Variants in KALRN observed in about 807,000 individuals in gnomAD.
KALRN encodes kalirin.
Under a neutral mutation model 353.7 loss-of-function variants are expected in KALRN, and 70 were observed. The ratio of observed to expected loss-of-function variants is 0.20; its 90% CI spans 0.16 to 0.24. KALRN has a LOEUF of 0.24. KALRN is among the 10% of genes least tolerant of loss of function. KALRN has a pLI of 1.00. For synonymous variants in KALRN, 1,391 were observed against 1,434.8 expected (o/e 0.97, Z 0.69); for missense variants, 2,791 against 3,756.7 (o/e 0.74, Z 6.72).
chr3:124,491,616 G>T, intron 31 of KALRN, 192 bp downstream of exon 31: 1 of 443,040 alleles, frequency 2.3e-6, no homozygotes, highest in South Asian at 4.8e-5. Flanking sequence ...AAAGACGCAT[G>T]GTCTCCTCAA....
intron 1 of KALRN, among the ~76,000 whole-genome samples, chr3:124,045,270 C>T (rs1271781318): frequency 1.3e-5 from 2 of 152,058 alleles, no homozygotes; most frequent in Non-Finnish European, 2.9e-5. Flanking sequence ...AGAGGAGTGG[C>T]TCTAGGAACA....
At chr3:124,571,887 C>T (rs1442259721) in intron 34 of KALRN, among the ~76,000 whole-genome samples, 2 of 151,692 alleles carry the variant, frequency 1.3e-5, no homozygotes, top group African/African-American at 2.4e-5. Flanking sequence ...CTTGGCCTAC[C>T]AAAGTGCTGG....
At chr3:124,094,345 G>A (rs1023323355) in intron 1 of KALRN, among the ~76,000 whole-genome samples, 1 of 152,228 alleles carries the variant, frequency 6.6e-6, no homozygotes, top group Non-Finnish European at 1.5e-5. Context: ...AGGCAGTAAC[G>A]CTCCCAGGCT....
chr3:124,471,346 G>A (rs189217527), intron 25 of KALRN, among the ~76,000 whole-genome samples: 20 of 151,104 alleles, frequency 1.3e-4, no homozygotes, highest in Admixed American at 2.6e-4. Context: ...GTGCAATGGC[G>A]CGATCTCAGC....
intron 2 of KALRN, among the ~76,000 whole-genome samples, chr3:124,230,576 TG>T: frequency 6.6e-6 from 1 of 152,238 alleles, no homozygotes; most frequent in Admixed American, 6.5e-5. Flanking sequence ...AGAAGCAACG[TG>T]GCCAGGAAGG....
chr3:124,553,469 C>G (rs534812967), intron 33 of KALRN, among the ~76,000 whole-genome samples: 3 of 152,240 alleles, frequency 2.0e-5, no homozygotes, highest in Non-Finnish European at 4.4e-5. Context: ...GGCCTGGTTT[C>G]CTCTGAAGCT....
At chr3:124,684,842 G>A (rs2061488648) in intron 51 of KALRN, among the ~76,000 whole-genome samples, 1 of 152,100 alleles carries the variant, frequency 6.6e-6, no homozygotes. Context: ...GGAAGTTTGA[G>A]CGGCCAGAGC....
At chr3:124,292,101 G>A (rs985705227) in intron 5 of KALRN, among the ~76,000 whole-genome samples, 1 of 152,158 alleles carries the variant, frequency 6.6e-6, no homozygotes, top group African/African-American at 2.4e-5. Context: ...TATGAGGTCT[G>A]TGTGTTGCCC....
intron 34 of KALRN, among the ~76,000 whole-genome samples, chr3:124,565,992 A>T (rs2072761858): frequency 6.6e-6 from 1 of 152,220 alleles, no homozygotes; most frequent in African/African-American, 2.4e-5. Flanking sequence ...AGGCTGTCAT[A>T]GAACTTTCCA....
At chr3:124,603,364 G>A (rs2077009081) in intron 34 of KALRN, among the ~76,000 whole-genome samples, 1 of 152,098 alleles carries the variant, frequency 6.6e-6, no homozygotes, top group Non-Finnish European at 1.5e-5. Flanking sequence ...GCCTCTAATT[G>A]ATTCACTTAA....
chr3:124,060,686 A>G (rs1002221365), intron 1 of KALRN, among the ~76,000 whole-genome samples: 2 of 152,252 alleles, frequency 1.3e-5, no homozygotes, highest in Admixed American at 6.5e-5. Flanking sequence ...TTGCAAGCAC[A>G]GGGAAGTGCT....
At chr3:124,230,170 C>T (rs1259625353) in intron 2 of KALRN, among the ~76,000 whole-genome samples, 1 of 152,166 alleles carries the variant, frequency 6.6e-6, no homozygotes, top group Non-Finnish European at 1.5e-5. Flanking sequence ...CCAATCTTAT[C>T]TTTTCTTCCT....
intron 37 of KALRN, among the ~76,000 whole-genome samples, chr3:124,642,448 G>T (rs952447932): frequency 6.6e-6 from 1 of 152,092 alleles, no homozygotes; most frequent in African/African-American, 2.4e-5. Flanking sequence ...GAAGAGACTG[G>T]CCAGGACTGA....
intron 1 of KALRN, among the ~76,000 whole-genome samples, chr3:124,180,785 C>T (rs777978981): frequency 1.3e-5 from 2 of 152,108 alleles, no homozygotes; most frequent in Non-Finnish European, 2.9e-5. Flanking sequence ...CTCCTTCCTC[C>T]GAGTTCTCCA....
intron 1 of KALRN, chr3:124,151,855 G>T: frequency 2.2e-6 from 1 of 454,230 alleles, no homozygotes; most frequent in Non-Finnish European, 3.9e-6. Context: ...AATGCTTTTA[G>T]TGTACGGTGA....
chr3:124,255,233 C>T (rs181697875), intron 3 of KALRN, among the ~76,000 whole-genome samples: 27 of 152,290 alleles, frequency 1.8e-4, no homozygotes, highest in South Asian at 6.2e-4. Context: ...CATGAGCCAC[C>T]GTGCCCGGCC....
chr3:124,386,734 A>G (rs955700827), intron 11 of KALRN, among the ~76,000 whole-genome samples: 2 of 152,178 alleles, frequency 1.3e-5, no homozygotes, highest in Non-Finnish European at 2.9e-5. Flanking sequence ...AATAAATAAT[A>G]ATAATAATTA....
At chr3:124,525,966 G>A (rs1231813405) in intron 33 of KALRN, among the ~76,000 whole-genome samples, 3 of 152,140 alleles carry the variant, frequency 2.0e-5, no homozygotes, top group Non-Finnish European at 4.4e-5. Context: ...TTGATTGATT[G>A]GTTGGTGTTG....
chr3:124,496,509 C>A, intron 33 of KALRN, 96 bp downstream of exon 33: 1 of 903,404 alleles, frequency 1.1e-6, no homozygotes, highest in Non-Finnish European at 1.8e-6. Flanking sequence ...CACTATGGAT[C>A]CTACCTTCAG....
Sources: gnomAD v4.1 joint callset for allele counts (sites outside exome capture counted in the v4.1 genomes callset) on GRCh38, gnomAD v4.1.1 for gene constraint, MANE v1.5 for transcripts, NCBI Gene and HGNC (gene_info 2026-07-23, HGNC 2026-07-21) for gene names.